The following SCML2 variants were observed in gnomAD, a reference collection of about 807,000 sequenced individuals.
SCML2 encodes sex comb on midleg-like protein 2.
Under a neutral mutation model 48.4 loss-of-function variants are expected in SCML2, and 6 were observed. That is an observed-to-expected ratio of 0.12 (90% CI 0.07 to 0.24). The LOEUF is 0.24. SCML2 is among the 10% of genes least tolerant of loss of function. SCML2 has a pLI of 1.00. For synonymous variants in SCML2, 181 were observed against 189.5 expected (o/e 0.95, Z 0.37); for missense variants, 377 against 528.2 (o/e 0.71, Z 2.81).
At chrX:18,332,337 A>AT (rs776045867) in intron 2 of SCML2, among the ~76,000 whole-genome samples, 9 of 112,354 alleles carry the variant, frequency 8.0e-5, no homozygotes, top group African/African-American at 2.9e-4. Context: ...GAACTCATGG[A>AT]TTTAAACATA....
chrX:18,309,321 C>T (rs1450349308), intron 6 of SCML2, among the ~76,000 whole-genome samples: 7 of 110,767 alleles, frequency 6.3e-5, no homozygotes, highest in African/African-American at 2.3e-4. Flanking sequence ...AATACTTATA[C>T]ACTACTGGTT....
chrX:18,287,492 G>T (rs1374304249), intron 7 of SCML2, among the ~76,000 whole-genome samples: 3 of 111,219 alleles, frequency 2.7e-5, no homozygotes, highest in Non-Finnish European at 5.7e-5. Flanking sequence ...CTATCTTAAG[G>T]TTACTGGAAT....
chrX:18,343,702 A>G (rs1338121667), intron 1 of SCML2, among the ~76,000 whole-genome samples: 1 of 102,213 alleles, frequency 9.8e-6, no homozygotes, highest in African/African-American at 3.6e-5. Context: ...CGGAGGTTGC[A>G]GTGAGCAGAG....
chrX:18,299,361 A>T (rs976354159), intron 7 of SCML2, among the ~76,000 whole-genome samples: 15 of 110,625 alleles, frequency 1.4e-4, no homozygotes, highest in South Asian at 3.8e-4. Context: ...AAAATAAAAA[A>T]AAAAAAATTA....
chrX:18,315,477 AT>A (rs1929091380), intron 6 of SCML2, among the ~76,000 whole-genome samples: 1 of 111,799 alleles, frequency 8.9e-6, no homozygotes, highest in South Asian at 3.8e-4. Context: ...AAGGGTGAAG[AT>A]TAGAGGCAGT....
intron 7 of SCML2, among the ~76,000 whole-genome samples, chrX:18,294,585 C>T (rs1928330276): frequency 9.0e-6 from 1 of 111,003 alleles, no homozygotes; most frequent in Non-Finnish European, 1.9e-5. Context: ...TCAGCCCCCA[C>T]CACACTGCAT....
chrX:18,252,051 A>C (rs759542413), intron 11 of SCML2, among the ~76,000 whole-genome samples: 37 of 112,534 alleles, frequency 3.3e-4, no homozygotes, highest in African/African-American at 1.1e-3. Flanking sequence ...AGATGGGCAG[A>C]TCACTTGAGG....
At chrX:18,256,808 C>T in intron 11 of SCML2, 40 bp downstream of exon 11, 1 of 1,037,543 alleles carries the variant, frequency 9.6e-7, no homozygotes, top group Non-Finnish European at 1.3e-6. Flanking sequence ...ACAAGATTCT[C>T]AAGTGAAACA....
intron 1 of SCML2, among the ~76,000 whole-genome samples, chrX:18,353,961 G>A (rs1056261286): frequency 2.7e-5 from 3 of 112,794 alleles, no homozygotes; most frequent in African/African-American, 9.6e-5. Flanking sequence ...CCCCTCAGGA[G>A]GCTTAGAGCC....
intron 11 of SCML2, among the ~76,000 whole-genome samples, chrX:18,250,788 A>C (rs1261273621): frequency 2.7e-5 from 3 of 111,448 alleles, no homozygotes; most frequent in Non-Finnish European, 3.8e-5. Context: ...GTCTGTTCTC[A>C]GACTGCTAAT....
chrX:18,286,108 A>G (rs1231662999), intron 7 of SCML2, among the ~76,000 whole-genome samples: 2 of 111,591 alleles, frequency 1.8e-5, no homozygotes, highest in Non-Finnish European at 3.8e-5. Context: ...TGGCAAGAAT[A>G]CATGTAGTTT....
intron 7 of SCML2, among the ~76,000 whole-genome samples, chrX:18,298,763 C>T (rs1928481565): frequency 9.2e-6 from 1 of 108,739 alleles, no homozygotes; most frequent in African/African-American, 3.4e-5. Flanking sequence ...GCAGAGGTTG[C>T]AGTGCACCAA....
chrX:18,287,447 T>C (rs1393213182), intron 7 of SCML2, among the ~76,000 whole-genome samples: 6 of 111,853 alleles, frequency 5.4e-5, no homozygotes, highest in Non-Finnish European at 1.1e-4. Flanking sequence ...TCATATATCT[T>C]ATAAAACATT....
In SCML2 at chrX:18,297,216, C is replaced by T. The variant is rs1928424781; in HGVS notation, c.730+7756G>A. 2.7e-5 allele frequency among the ~76,000 whole-genome samples: 3 copies of T among 111,968 alleles called. No individual in the cohort carries two copies. In the South Asian group the frequency reaches 1.1e-3, roughly 42 times the overall value. On this transcript the variant is annotated intron_variant, in intron 7 of 14. Coordinates refer to ENST00000251900, the MANE Select transcript of SCML2 (RefSeq NM_006089.3). ...TTAAAAACTCTCAACAAACTAGGCA[C>T]AGAAGGAACACTACTCAACATAATA...
chrX:18,330,713 T>G, intron 2 of SCML2, 58 bp from the exon 3 acceptor site: 2 of 705,659 alleles, frequency 2.8e-6, no homozygotes, highest in Non-Finnish European at 4.2e-6. Context: ...GAAAGAGCAC[T>G]CAGAAAAATA....
intron 6 of SCML2, among the ~76,000 whole-genome samples, chrX:18,315,350 A>G (rs1011268964): frequency 9.0e-6 from 1 of 111,408 alleles, no homozygotes; most frequent in East Asian, 2.8e-4. Context: ...CTAACAGGCC[A>G]TATTGAAAAA....
chrX:18,284,351 C>T (rs1927968856), intron 7 of SCML2, among the ~76,000 whole-genome samples: 1 of 111,782 alleles, frequency 8.9e-6, no homozygotes, highest in Admixed American at 9.5e-5. Context: ...CAACATTGGC[C>T]TTAGCAAAGA....
At chrX:18,250,565 A>G (rs952582237) in intron 11 of SCML2, among the ~76,000 whole-genome samples, 2 of 109,112 alleles carry the variant, frequency 1.8e-5, no homozygotes, top group African/African-American at 6.7e-5. Context: ...TTGTATTTTT[A>G]GTAGAGACGG....
chrX:18,256,753 G>T, intron 11 of SCML2, 95 bp downstream of exon 11: 1 of 686,826 alleles, frequency 1.5e-6, no homozygotes, highest in Non-Finnish European at 2.1e-6. Flanking sequence ...AGTTCACTGT[G>T]GCTAAAATGT....
Sources: allele counts gnomAD v4.1 joint callset (sites outside exome capture counted in the v4.1 genomes callset), GRCh38; gene constraint gnomAD v4.1.1; transcripts MANE v1.5; gene names NCBI Gene and HGNC (gene_info 2026-07-23, HGNC 2026-07-21).